The following ANKS1B variants were observed in gnomAD, a reference collection of about 807,000 sequenced individuals.
ANKS1B encodes ankyrin repeat and sterile alpha motif domain-containing protein 1B.
In ANKS1B, 36 loss-of-function variants were observed where a neutral mutation model predicts 148.3. That is an observed-to-expected ratio of 0.24 (90% CI 0.19 to 0.32). ANKS1B has a LOEUF of 0.32. ANKS1B is among the 10% of genes least tolerant of loss of function. The pLI is 1.00. For synonymous variants in ANKS1B, 542 were observed against 560.8 expected, an observed-to-expected ratio of 0.97 and a Z score of 0.47; for missense variants, 1,157 against 1,542.6, an observed-to-expected ratio of 0.75 and a Z score of 4.19.
At position 99,464,384 on chromosome 12, in the gene ANKS1B, C is replaced by T. The variant is rs1259427123; in HGVS notation, c.1439-20575G>A. On this transcript the variant is annotated intron_variant, in intron 10 of 26. Coordinates refer to ENST00000683438, the MANE Select transcript of ANKS1B (RefSeq NM_001352186.2). ...ACTGGAAACCCTAAAAAGCAGAGCA[C>T]CTCTCCTCCTCCAAAGGAATGCAGT... Among the ~76,000 whole-genome samples the T allele has an allele frequency of 3.3e-5, 5 of 152,206 alleles. No homozygotes were observed. The South Asian group carries it at 8.3e-4, about 25-fold the overall frequency.
At chr12:99,263,688 G>C (rs888105487) in intron 12 of ANKS1B, among the ~76,000 whole-genome samples, 10 of 152,098 alleles carry the variant, frequency 6.6e-5, no homozygotes, top group Non-Finnish European at 1.3e-4. Flanking sequence ...GACAGTGAGT[G>C]AGTTCTCATG....
chr12:98,871,692 GT>G (rs71770628), intron 17 of ANKS1B, among the ~76,000 whole-genome samples: 5 of 151,282 alleles, frequency 3.3e-5, no homozygotes, highest in South Asian at 2.1e-4. Flanking sequence ...TTGAGGAGCT[GT>G]TTTTTTTTAA....
intron 15 of ANKS1B, among the ~76,000 whole-genome samples, chr12:99,118,900 G>T (rs1391639791): frequency 6.6e-6 from 1 of 152,034 alleles, no homozygotes; most frequent in African/African-American, 2.4e-5. Context: ...CAGAAGTATT[G>T]GATCAGTTTT....
chr12:99,376,808 C>A (rs73151131), intron 12 of ANKS1B, among the ~76,000 whole-genome samples: 18,889 of 152,086 alleles, frequency 0.12, 1,234 homozygotes, highest in African/African-American at 0.17. Flanking sequence ...TAAGTTGCCA[C>A]GGCTTTAAAG....
intron 8 of ANKS1B, among the ~76,000 whole-genome samples, chr12:99,677,043 T>C (rs1053786096): frequency 6.6e-6 from 1 of 152,244 alleles, no homozygotes; most frequent in African/African-American, 2.4e-5. Flanking sequence ...CAATATTTCA[T>C]GTATTCAGAT....
At chr12:99,942,896 C>G (rs1388995663) in intron 1 of ANKS1B, among the ~76,000 whole-genome samples, 4 of 152,082 alleles carry the variant, frequency 2.6e-5, no homozygotes, top group Admixed American at 6.5e-5. Context: ...CCACTGCTAC[C>G]AATGGTCTCA....
intron 6 of ANKS1B, among the ~76,000 whole-genome samples, chr12:99,777,912 G>T (rs1274673650): frequency 6.6e-6 from 1 of 151,824 alleles, no homozygotes; most frequent in African/African-American, 2.4e-5. Flanking sequence ...AGTTCAGTGA[G>T]AGGCAGCCGG....
intron 9 of ANKS1B, among the ~76,000 whole-genome samples, chr12:99,518,817 G>C (rs145598506): frequency 0.032 from 4,793 of 151,950 alleles, 102 homozygotes; most frequent in South Asian, 0.087. Context: ...TGCACCAATT[G>C]GTTGTTTATT....
Position 99,688,406 on chromosome 12 carries a change from G to A in ANKS1B, c.1129-33196C>T, listed in dbSNP as rs117116668. On this transcript the variant is annotated intron_variant, in intron 8 of 26. Coordinates refer to ENST00000683438, the MANE Select transcript of ANKS1B (RefSeq NM_001352186.2). ...ATCTCAGAATTTACAGACATGTATC[G>A]CCTAATGGCCAACAACTGAAAACAT... Among the ~76,000 whole-genome samples, 716 of 152,280 alleles carry A rather than the reference G, an allele frequency of 4.7e-3. 3 individuals are homozygous for A. The highest frequency in any genetic ancestry group is 7.9e-3 in the Non-Finnish European group (538 of 68,032).
At chr12:99,733,244 C>T (rs2059331956) in intron 8 of ANKS1B, among the ~76,000 whole-genome samples, 1 of 152,184 alleles carries the variant, frequency 6.6e-6, no homozygotes, top group Non-Finnish European at 1.5e-5. Flanking sequence ...GCTTAGCTTG[C>T]ACTTGAACTC....
intron 9 of ANKS1B, among the ~76,000 whole-genome samples, chr12:99,516,929 T>G (rs1398627481): frequency 6.6e-6 from 1 of 152,156 alleles, no homozygotes; most frequent in Non-Finnish European, 1.5e-5. Flanking sequence ...TGTAGTATAA[T>G]TTGAATCCAG....
chr12:99,316,255 C>T (rs747737446), intron 12 of ANKS1B, among the ~76,000 whole-genome samples: 1 of 152,190 alleles, frequency 6.6e-6, no homozygotes, highest in Non-Finnish European at 1.5e-5. Flanking sequence ...CACTGTTTTC[C>T]ACAATGGGTG....
At chr12:99,493,441 A>C (rs1030324740) in intron 10 of ANKS1B, among the ~76,000 whole-genome samples, 1 of 152,210 alleles carries the variant, frequency 6.6e-6, no homozygotes, top group Non-Finnish European at 1.5e-5. Flanking sequence ...AGTCCAAGGA[A>C]GTGTTACAAG....
At chr12:98,851,711 T>C (rs1206396573) in intron 17 of ANKS1B, among the ~76,000 whole-genome samples, 1 of 152,074 alleles carries the variant, frequency 6.6e-6, no homozygotes, top group East Asian at 1.9e-4. Flanking sequence ...TTCTGTTATG[T>C]TGAAGTAGAC....
chr12:99,797,159 T>G (rs192306267), intron 4 of ANKS1B, among the ~76,000 whole-genome samples: 30 of 152,110 alleles, frequency 2.0e-4, no homozygotes, highest in African/African-American at 7.0e-4. Context: ...ATAGATTAAT[T>G]TTGTAATAAT....
chr12:99,809,886 T>A (rs1274203834), intron 3 of ANKS1B, among the ~76,000 whole-genome samples: 1 of 152,070 alleles, frequency 6.6e-6, no homozygotes, highest in African/African-American at 2.4e-5. Flanking sequence ...AAACCTGCGT[T>A]CAAACACTGG....
intron 12 of ANKS1B, among the ~76,000 whole-genome samples, chr12:99,362,682 A>C (rs1332889700): frequency 2.0e-5 from 3 of 152,008 alleles, no homozygotes; most frequent in Non-Finnish European, 4.4e-5. Flanking sequence ...AAGTTCTTGA[A>C]ATTTTATTTC....
intron 8 of ANKS1B, among the ~76,000 whole-genome samples, chr12:99,761,751 CA>C (rs1337702401): frequency 6.6e-6 from 1 of 151,952 alleles, no homozygotes; most frequent in Non-Finnish European, 1.5e-5. Flanking sequence ...AACAAAAATT[CA>C]AACTATCTGT....
At chr12:99,362,842 G>A (rs2092563034) in intron 12 of ANKS1B, among the ~76,000 whole-genome samples, 1 of 151,988 alleles carries the variant, frequency 6.6e-6, no homozygotes, top group African/African-American at 2.4e-5. Flanking sequence ...CCAGTAGGGG[G>A]TCTAGGAGCA....
Sources: gnomAD v4.1 joint callset for allele counts (sites outside exome capture counted in the v4.1 genomes callset) on GRCh38, gnomAD v4.1.1 for gene constraint, MANE v1.5 for transcripts, NCBI Gene and HGNC (gene_info 2026-07-23, HGNC 2026-07-21) for gene names.